The following UBR3 variants were observed in gnomAD, a reference collection of about 807,000 sequenced individuals.
The protein encoded by UBR3 is ubiquitin protein ligase E3 component n-recognin 3.
Under a neutral mutation model 243.2 loss-of-function variants are expected in UBR3, and 85 were observed. The ratio of observed to expected loss-of-function variants is 0.35; its 90% CI spans 0.29 to 0.42. The LOEUF is 0.42. UBR3 is among the 10% of genes least tolerant of loss of function. UBR3 has a pLI of 1.00. For synonymous variants in UBR3, 748 were observed against 799.8 expected (o/e 0.94, Z 1.09); for missense variants, 1,686 against 2,300.8 (o/e 0.73, Z 5.47).
intron 19 of UBR3, among the ~76,000 whole-genome samples, chr2:169,933,794 A>G (rs2086225303): frequency 6.6e-6 from 1 of 152,190 alleles, no homozygotes; most frequent in African/African-American, 2.4e-5. Flanking sequence ...AATATCTATC[A>G]CAGACAAATA....
At chr2:170,062,039 G>A (rs7600031) in intron 35 of UBR3, among the ~76,000 whole-genome samples, 149,302 of 152,302 alleles carry the variant, frequency 0.98, 73,232 homozygotes, top group East Asian at 1. Flanking sequence ...TGACATTTGT[G>A]TCCCTAACAT....
intron 1 of UBR3, among the ~76,000 whole-genome samples, chr2:169,861,374 C>T (rs961120577): frequency 6.6e-6 from 1 of 152,174 alleles, no homozygotes; most frequent in African/African-American, 2.4e-5. Context: ...CTCTGGGAGG[C>T]CGAGGCGGGT....
In UBR3 at chr2:169,937,223, A is replaced by G. The variant is rs1436372775; in HGVS notation, c.2663+4215A>G. Among the ~76,000 whole-genome samples the G allele has an allele frequency of 2.0e-5, 3 of 152,106 alleles. No individual in the cohort carries two copies. In the East Asian group the frequency reaches 5.8e-4, roughly 29 times the overall value. ...TCTAACTGGTGTGAGATGGTATCTA[A>G]TTGTGGTTTTGATTTGCATTTCTCT... On this transcript the variant is annotated intron_variant, in intron 19 of 38. Coordinates refer to ENST00000272793, the MANE Select transcript of UBR3 (RefSeq NM_172070.4).
At chr2:170,017,452 T>C (rs935943651) in intron 30 of UBR3, among the ~76,000 whole-genome samples, 2 of 151,978 alleles carry the variant, frequency 1.3e-5, no homozygotes, top group South Asian at 2.1e-4. Context: ...ACTGAAAATT[T>C]GTCTAGTCAA....
In UBR3 at chr2:169,986,630, ACT is replaced by A. The variant is rs751487939; in HGVS notation, c.3635-14_3635-13del. 6.3e-7 allele frequency: 1 copy of A among 1,598,908 alleles called. No individual in the cohort carries two copies. The highest frequency in any genetic ancestry group is 1.1e-5 in the South Asian group (1 of 87,676). The stretch of plus-strand genomic sequence containing the variant: ...CCTCCTAAGGAATTAAAGAGATGTA[ACT>A]TTTTTCCCTCAGATTCTCCTGAGAA... On this transcript the variant is annotated splice_polypyrimidine_tract_variant and intron_variant, in intron 24 of 38. Coordinates refer to ENST00000272793, the MANE Select transcript of UBR3 (RefSeq NM_172070.4).
At chr2:169,865,074 A>C (rs1485314775) in intron 1 of UBR3, among the ~76,000 whole-genome samples, 1 of 152,166 alleles carries the variant, frequency 6.6e-6, no homozygotes, top group Non-Finnish European at 1.5e-5. Context: ...CAACAGAGTG[A>C]GACTCCGTCT....
intron 1 of UBR3, among the ~76,000 whole-genome samples, chr2:169,844,629 A>C (rs1168326999): frequency 6.6e-6 from 1 of 151,350 alleles, no homozygotes; most frequent in Non-Finnish European, 1.5e-5. Context: ...CAGTAGCTGG[A>C]ACTACAGGTG....
chr2:169,852,303 G>C (rs2082683672), intron 1 of UBR3, among the ~76,000 whole-genome samples: 1 of 152,218 alleles, frequency 6.6e-6, no homozygotes, highest in Non-Finnish European at 1.5e-5. Context: ...TGATAAATGA[G>C]ATTAGGTAGG....
intron 24 of UBR3, chr2:169,964,506 G>A (rs753857323): frequency 2.2e-6 from 1 of 461,568 alleles, no homozygotes; most frequent in Non-Finnish European, 4.5e-6. Context: ...GAGGAAACTG[G>A]AGGGAAGGAG....
At chr2:169,970,715 A>C (rs1159788207) in intron 24 of UBR3, among the ~76,000 whole-genome samples, 1 of 124,474 alleles carries the variant, frequency 8.0e-6, no homozygotes, top group Non-Finnish European at 1.7e-5. Flanking sequence ...TTCTTAATCC[A>C]GTCTATCATT....
intron 30 of UBR3, among the ~76,000 whole-genome samples, chr2:170,022,377 A>C (rs1450656375): frequency 2.0e-5 from 3 of 152,170 alleles, no homozygotes; most frequent in Non-Finnish European, 4.4e-5. Flanking sequence ...CTTTTTCTTC[A>C]CTGTCTTCCC....
intron 32 of UBR3, among the ~76,000 whole-genome samples, chr2:170,049,082 C>G (rs556706389): frequency 2.4e-4 from 37 of 152,158 alleles, no homozygotes; most frequent in Non-Finnish European, 4.3e-4. Context: ...ACTTCCCACC[C>G]CACTCCACCA....
At chr2:169,967,274 C>CG (rs760779276) in intron 24 of UBR3, among the ~76,000 whole-genome samples, 1 of 136,842 alleles carries the variant, frequency 7.3e-6, no homozygotes, top group African/African-American at 2.7e-5. Context: ...CGCCCCCCCC[C>CG]ACACACAGTT....
intron 17 of UBR3, among the ~76,000 whole-genome samples, chr2:169,928,185 T>C (rs1444839091): frequency 6.6e-6 from 1 of 152,202 alleles, no homozygotes; most frequent in Admixed American, 6.5e-5. Context: ...AGTGCTATTA[T>C]AGAGTAAAAA....
intron 5 of UBR3, among the ~76,000 whole-genome samples, chr2:169,879,381 C>T (rs1379584986): frequency 6.6e-6 from 1 of 151,982 alleles, no homozygotes; most frequent in African/African-American, 2.4e-5. Context: ...TGATTTAATA[C>T]CTTAAAATTT....
At chr2:170,055,659 G>T in intron 33 of UBR3, 75 bp downstream of exon 33, 2 of 1,547,406 alleles carry the variant, frequency 1.3e-6, no homozygotes, top group Middle Eastern at 1.7e-4. Flanking sequence ...GTGAATAAGA[G>T]TAGGTGTTAC....
intron 33 of UBR3, among the ~76,000 whole-genome samples, chr2:170,060,502 A>G (rs2091436092): frequency 1.3e-5 from 2 of 152,240 alleles, no homozygotes; most frequent in Middle Eastern, 3.4e-3. Context: ...TTTGTGGTCT[A>G]TATTTTTTCT....
chr2:169,834,894 C>T (rs1035119329), intron 1 of UBR3, among the ~76,000 whole-genome samples: 7 of 152,106 alleles, frequency 4.6e-5, no homozygotes, highest in Admixed American at 3.9e-4. Context: ...AGACCTTATG[C>T]CAAATGAAAT....
At chr2:169,835,703 A>T (rs1302168412) in intron 1 of UBR3, among the ~76,000 whole-genome samples, 2 of 152,104 alleles carry the variant, frequency 1.3e-5, no homozygotes, top group Non-Finnish European at 2.9e-5. Flanking sequence ...GGCCTCCCAA[A>T]GTGCTGGGAT....
Sources: gnomAD v4.1 joint callset for allele counts (sites outside exome capture counted in the v4.1 genomes callset) on GRCh38, gnomAD v4.1.1 for gene constraint, MANE v1.5 for transcripts, NCBI Gene and HGNC (gene_info 2026-07-23, HGNC 2026-07-21) for gene names.